Variants in GSTA4 observed in about 807,000 individuals in gnomAD.
GSTA4 encodes glutathione S-transferase alpha 4.
GSTA4 carries 15 observed loss-of-function variants against 24.4 expected under a neutral mutation model. The observed-to-expected ratio is 0.61, with a 90% CI of 0.41 to 0.95. The LOEUF is 0.95. Among genes scored for constraint, GSTA4 ranks in the 40% least tolerant of loss-of-function variants. GSTA4 has a pLI of 0.00. For missense variants in GSTA4, 244 were observed against 262.1 expected, an observed-to-expected ratio of 0.93 and a Z score of 0.48; for synonymous variants, 92 against 94.2, an observed-to-expected ratio of 0.98 and a Z score of 0.13.
chr6:52,982,917 GAGAA>G (rs1763482614), intron 5 of GSTA4, among the ~76,000 whole-genome samples: 1 of 151,690 alleles, frequency 6.6e-6, no homozygotes, highest in Non-Finnish European at 1.5e-5. Flanking sequence ...GAGAGAGAGA[GAGAA>G]AGTACAAAAA....
chr6:52,988,412 T>C (rs193222345), intron 2 of GSTA4, among the ~76,000 whole-genome samples: 1 of 152,306 alleles, frequency 6.6e-6, no homozygotes, highest in East Asian at 1.9e-4. Context: ...ACCCTCTGTC[T>C]AACCAAACAA....
In GSTA4 at chr6:52,978,552, C is replaced by A; in HGVS notation, c.587G>T (p.Arg196Ile). The stretch of plus-strand genomic sequence containing the variant: ...CTTCTTGCTGCCAGGTTCAAGGAAT[C>A]TCTTAATTGTAGGGATATTACTTAG... ...VKLSNIPTIK[R>I]FLEPGSKKKP... Residue 196 changes from arginine to isoleucine, a missense_variant, in exon 7 of 7, where the codon AGA (arginine) becomes ATA (isoleucine). Transcript: ENST00000370963. 6.2e-7 allele frequency: 1 copy of A among 1,611,746 alleles called. No individual in the cohort carries two copies. The highest frequency in any genetic ancestry group is 8.5e-7 in the Non-Finnish European group (1 of 1,178,050).
intron 2 of GSTA4, among the ~76,000 whole-genome samples, chr6:52,993,485 G>T (rs959616036): frequency 6.6e-6 from 1 of 152,172 alleles, no homozygotes; most frequent in African/African-American, 2.4e-5. Context: ...AATTTTGTTG[G>T]ATGTGATAAT....
chr6:52,980,476 T>G (rs888228455), intron 6 of GSTA4, among the ~76,000 whole-genome samples: 1 of 152,062 alleles, frequency 6.6e-6, no homozygotes, highest in Non-Finnish European at 1.5e-5. Flanking sequence ...GCTAATTGTT[T>G]TATTTTTAGT....
intron 2 of GSTA4, 104 bp from the exon 3 acceptor site, chr6:52,987,512 T>C (rs1763585726): frequency 1.5e-6 from 1 of 658,708 alleles, no homozygotes; most frequent in African/African-American, 1.8e-5. Flanking sequence ...GAAACAGAGG[T>C]CATTACGTTA....
At chr6:52,994,863 G>A (rs774148276) in intron 1 of GSTA4, among the ~76,000 whole-genome samples, 5 of 152,112 alleles carry the variant, frequency 3.3e-5, no homozygotes, top group Non-Finnish European at 5.9e-5. Context: ...AAAACGAGCC[G>A]GGGGCCAGGG....
At chr6:52,982,277 A>T (rs1186394613) in intron 6 of GSTA4, among the ~76,000 whole-genome samples, 2 of 152,074 alleles carry the variant, frequency 1.3e-5, no homozygotes, top group Non-Finnish European at 2.9e-5. Context: ...CCTGCTACTC[A>T]GGAGACTGAG....
chr6:52,984,212 A>G (rs1281633551), intron 5 of GSTA4, among the ~76,000 whole-genome samples: 2 of 152,236 alleles, frequency 1.3e-5, no homozygotes, highest in African/African-American at 4.8e-5. Flanking sequence ...TGCAAGGAAC[A>G]ATAAGGAACA....
chr6:52,991,100 T>A (rs1156719305), intron 2 of GSTA4, among the ~76,000 whole-genome samples: 1 of 152,242 alleles, frequency 6.6e-6, no homozygotes, highest in Non-Finnish European at 1.5e-5. Context: ...CACATTTGCA[T>A]CTTTGGAGGT....
At chr6:52,992,494 G>C (rs976629917) in intron 2 of GSTA4, among the ~76,000 whole-genome samples, 1 of 152,180 alleles carries the variant, frequency 6.6e-6, no homozygotes, top group Non-Finnish European at 1.5e-5. Context: ...ACCTGGCAGA[G>C]ACTACCTTAA....
At chr6:52,984,643 C>T in intron 4 of GSTA4, 38 bp from the exon 5 acceptor site, 1 of 1,548,054 alleles carries the variant, frequency 6.5e-7, no homozygotes, top group Non-Finnish European at 8.8e-7. Context: ...TTTCTCCTCT[C>T]TTTGAAGCCA....
intron 5 of GSTA4, among the ~76,000 whole-genome samples, chr6:52,984,085 G>C (rs1363044194): frequency 9.8e-6 from 1 of 102,192 alleles, no homozygotes; most frequent in Non-Finnish European, 2.3e-5. Context: ...TATCAGGGAG[G>C]ATGTCAGCTG....
At chr6:52,988,389 C>A (rs1289116166) in intron 2 of GSTA4, among the ~76,000 whole-genome samples, 1 of 152,006 alleles carries the variant, frequency 6.6e-6, no homozygotes, top group Non-Finnish European at 1.5e-5. Context: ...ATGGAGAGAT[C>A]GGGAGATCTC....
In GSTA4 at chr6:52,978,392, G is replaced by A. The variant is rs1763384964; in HGVS notation, c.*78C>T. On this transcript the variant is annotated 3_prime_UTR_variant, in exon 7 of 7. Coordinates refer to ENST00000370963, the MANE Select transcript of GSTA4 (RefSeq NM_001512.4). ...AATACATAGATAGCACCATGACAGA[G>A]CTGGGATCCATTAAGACATGACTGT... 3.5e-6 allele frequency: 5 copies of A among 1,420,542 alleles called. No individual in the cohort carries two copies. In the South Asian group the frequency reaches 6.2e-5, roughly 18 times the overall value. The allele number at this position is 1,420,542 out of a possible 1,614,324, so 88.0% of individuals were successfully genotyped here.
rs146765124 is a variant in GSTA4 at position 52,982,955 on chromosome 6, T to C, written c.415-250A>G. 5.3e-5 allele frequency among the ~76,000 whole-genome samples: 8 copies of C among 152,156 alleles called. No individual in the cohort carries two copies. The East Asian group carries it at 1.5e-3, about 29-fold the overall frequency. On this transcript the variant is annotated intron_variant, in intron 5 of 6. Coordinates refer to ENST00000370963, the MANE Select transcript of GSTA4 (RefSeq NM_001512.4). Reference sequence around the variant, plus strand: ...AAAGGTGTGGAAATGAAAGCATCCTTAAATATCTGCTGTGGATCTGAATGA... The same window carrying C: ...AAAGGTGTGGAAATGAAAGCATCCTCAAATATCTGCTGTGGATCTGAATGA...
chr6:52,993,167 T>C (rs774703837), intron 2 of GSTA4, among the ~76,000 whole-genome samples: 2 of 152,188 alleles, frequency 1.3e-5, no homozygotes, highest in Non-Finnish European at 2.9e-5. Context: ...GTTTAGTTAG[T>C]CATGCACCAA....
At chr6:52,983,451 C>T (rs886474337) in intron 5 of GSTA4, among the ~76,000 whole-genome samples, 6 of 152,184 alleles carry the variant, frequency 3.9e-5, no homozygotes, top group Non-Finnish European at 7.3e-5. Context: ...AACACAATTC[C>T]AGGTCAAATA....
intron 5 of GSTA4, among the ~76,000 whole-genome samples, chr6:52,983,694 C>T (rs912119573): frequency 6.6e-6 from 1 of 152,196 alleles, no homozygotes; most frequent in Non-Finnish European, 1.5e-5. Flanking sequence ...GAGCAGTGAA[C>T]CTTTGCCAAA....
chr6:52,981,441 T>A (rs1764330481), intron 6 of GSTA4, among the ~76,000 whole-genome samples: 1 of 152,212 alleles, frequency 6.6e-6, no homozygotes. Flanking sequence ...ATATGGTCTC[T>A]ATCAGATCTA....
Sources: gnomAD v4.1 joint callset for allele counts (sites outside exome capture counted in the v4.1 genomes callset) on GRCh38, gnomAD v4.1.1 for gene constraint, MANE v1.5 for transcripts, NCBI Gene and HGNC (gene_info 2026-07-23, HGNC 2026-07-21) for gene names.